The following CCBE1 variants were observed in gnomAD, a reference collection of about 807,000 sequenced individuals.
CCBE1 encodes the protein collagen and calcium binding EGF domains 1.
A neutral mutation model predicts 50.0 loss-of-function variants in CCBE1; 37 were observed. The ratio of observed to expected loss-of-function variants is 0.74; its 90% CI spans 0.57 to 0.97. The LOEUF is 0.97. Among genes scored for constraint, CCBE1 ranks in the 50% least tolerant of loss-of-function variants. CCBE1 has a pLI of 0.00. For missense variants in CCBE1, 538 were observed against 523.8 expected (o/e 1.03, Z -0.26); for synonymous variants, 234 against 203.7 (o/e 1.15, Z -1.27).
intron 6 of CCBE1, among the ~76,000 whole-genome samples, chr18:59,453,201 G>A (rs540984342): frequency 6.6e-6 from 1 of 152,196 alleles, no homozygotes; most frequent in Non-Finnish European, 1.5e-5. Context: ...TCCAGGGAAG[G>A]AAAGTGAGGG....
intron 2 of CCBE1, among the ~76,000 whole-genome samples, chr18:59,486,888 TTTAC>T (rs955767539): frequency 4.6e-5 from 7 of 151,980 alleles, no homozygotes; most frequent in African/African-American, 1.7e-4. Context: ...TATTTATTTA[TTTAC>T]GTGTAAGCTT....
intron 7 of CCBE1, among the ~76,000 whole-genome samples, chr18:59,445,877 G>A (rs1910646230): frequency 6.6e-6 from 1 of 152,198 alleles, no homozygotes; most frequent in African/African-American, 2.4e-5. Flanking sequence ...CCTTACGTAT[G>A]ACAGTGGAGG....
intron 2 of CCBE1, among the ~76,000 whole-genome samples, chr18:59,632,423 G>A (rs951852473): frequency 2.0e-5 from 3 of 152,044 alleles, no homozygotes; most frequent in East Asian, 1.9e-4. Flanking sequence ...ACAGGCATCC[G>A]CCACCATGCC....
At chr18:59,565,003 C>T (rs1046525868) in intron 2 of CCBE1, among the ~76,000 whole-genome samples, 3 of 152,244 alleles carry the variant, frequency 2.0e-5, no homozygotes, top group African/African-American at 7.2e-5. Flanking sequence ...TGCAACAGAA[C>T]TGAGTAGTCA....
rs77776019 is a variant in CCBE1, at chr18:59,580,021, G to T, written c.213-99783C>A. On this transcript the variant is annotated intron_variant, in intron 2 of 10. Transcript: ENST00000439986. Reference sequence around the variant, plus strand: ...AATCACATCTGATTCGAATAGGATGGATCTTCTGTGAAAGCCAGAGAGGGA... The same window carrying T: ...AATCACATCTGATTCGAATAGGATGTATCTTCTGTGAAAGCCAGAGAGGGA... Among the ~76,000 whole-genome samples, 299 of 152,296 alleles carry T rather than the reference G, an allele frequency of 2.0e-3. 4 individuals are homozygous for T. In the East Asian group the frequency reaches 0.03, roughly 15 times the overall value.
chr18:59,435,538 C>T lies in CCBE1; in HGVS notation c.*370G>A. On this transcript the variant is annotated 3_prime_UTR_variant, in exon 11 of 11. Transcript: ENST00000439986. ...CACATTTTCTTAGAGCTCACTTTGTCATTTTCCCCCTTTTGATACTCTGCC... is the reference window on the plus strand; with the variant it reads ...CACATTTTCTTAGAGCTCACTTTGTTATTTTCCCCCTTTTGATACTCTGCC... 3.2e-6 allele frequency: 1 copy of T among 309,032 alleles called. No homozygotes were observed. Among genetic ancestry groups the T allele is most frequent in the Non-Finnish European group, 6.2e-6 (1 of 161,434 alleles). 19.1% of individuals were successfully genotyped at this position (309,032 alleles called of 1,614,324 possible).
intron 2 of CCBE1, among the ~76,000 whole-genome samples, chr18:59,607,029 G>A (rs1399581931): frequency 2.8e-5 from 4 of 143,732 alleles, no homozygotes; most frequent in African/African-American, 1.0e-4. Context: ...GACAGAGTAG[G>A]TACTCCATAA....
chr18:59,580,986 G>T (rs2053076475), intron 2 of CCBE1, among the ~76,000 whole-genome samples: 2 of 152,152 alleles, frequency 1.3e-5, no homozygotes, highest in Non-Finnish European at 2.9e-5. Flanking sequence ...TGCCGCTTTT[G>T]ATTAGTTTAT....
chr18:59,696,588 G>A (rs1237889986), intron 2 of CCBE1, 41 bp downstream of exon 2: 5 of 1,611,670 alleles, frequency 3.1e-6, no homozygotes, highest in Non-Finnish European at 4.2e-6. Flanking sequence ...AGCCAGCCCC[G>A]GTGCGCAGTG....
At chr18:59,688,753 A>G (rs907645886) in intron 2 of CCBE1, among the ~76,000 whole-genome samples, 1 of 152,232 alleles carries the variant, frequency 6.6e-6, no homozygotes, top group African/African-American at 2.4e-5. Context: ...AACAAAAACT[A>G]TGATTCCTGG....
intron 2 of CCBE1, among the ~76,000 whole-genome samples, chr18:59,587,270 C>G (rs2053191725): frequency 6.6e-6 from 1 of 152,186 alleles, no homozygotes; most frequent in Non-Finnish European, 1.5e-5. Flanking sequence ...TGTTAACACT[C>G]CAAATCTAGC....
intron 2 of CCBE1, among the ~76,000 whole-genome samples, chr18:59,558,822 T>C (rs1404604646): frequency 6.6e-6 from 1 of 152,194 alleles, no homozygotes; most frequent in Non-Finnish European, 1.5e-5. Flanking sequence ...GGTGGCCAGC[T>C]CCAGCAGCCA....
chr18:59,609,344 T>C (rs181596645), intron 2 of CCBE1, among the ~76,000 whole-genome samples: 1 of 152,358 alleles, frequency 6.6e-6, no homozygotes, highest in East Asian at 1.9e-4. Flanking sequence ...TCCTCTTGCA[T>C]ATATCACAGA....
intron 2 of CCBE1, among the ~76,000 whole-genome samples, chr18:59,601,167 G>A (rs1464215677): frequency 1.3e-5 from 2 of 151,672 alleles, no homozygotes; most frequent in African/African-American, 2.4e-5. Flanking sequence ...GAGTAGCTGG[G>A]ACTAGAGGCG....
intron 2 of CCBE1, among the ~76,000 whole-genome samples, chr18:59,498,991 T>C (rs1163970218): frequency 6.6e-6 from 1 of 152,200 alleles, no homozygotes; most frequent in Non-Finnish European, 1.5e-5. Context: ...GCATTTAAGA[T>C]AAAGAGCAAA....
intron 2 of CCBE1, among the ~76,000 whole-genome samples, chr18:59,673,724 G>C (rs2054464096): frequency 6.6e-6 from 1 of 152,142 alleles, no homozygotes; most frequent in African/African-American, 2.4e-5. Context: ...CATTGGTTCT[G>C]TTCATGTGAT....
chr18:59,651,972 CTTCT>C (rs767416382), intron 2 of CCBE1, among the ~76,000 whole-genome samples: 21 of 152,082 alleles, frequency 1.4e-4, no homozygotes, highest in Admixed American at 2.6e-4. Context: ...GAATTTATTC[CTTCT>C]ATCTTACTGT....
chr18:59,477,015 T>C (rs1912339700), intron 3 of CCBE1, among the ~76,000 whole-genome samples: 1 of 152,238 alleles, frequency 6.6e-6, no homozygotes, highest in South Asian at 2.1e-4. Context: ...GAGGGCCTAG[T>C]TTCAAAGGGA....
chr18:59,600,861 T>A (rs1454640640), intron 2 of CCBE1, among the ~76,000 whole-genome samples: 3 of 152,090 alleles, frequency 2.0e-5, no homozygotes, highest in Non-Finnish European at 2.9e-5. Flanking sequence ...TCAAGAAGGC[T>A]TTAAGGTTGG....
Sources: allele counts gnomAD v4.1 joint callset (sites outside exome capture counted in the v4.1 genomes callset), GRCh38; gene constraint gnomAD v4.1.1; transcripts MANE v1.5; gene names NCBI Gene and HGNC (gene_info 2026-07-23, HGNC 2026-07-21).